The following ATM variants were observed in gnomAD, a reference collection of about 807,000 sequenced individuals.
ATM encodes ATM serine/threonine kinase.
ATM carries 308 observed loss-of-function variants against 387.0 expected under a neutral mutation model. The observed-to-expected ratio is 0.80, with a 90% CI of 0.73 to 0.87. The LOEUF (loss-of-function observed/expected upper bound fraction) is 0.87. Among genes scored for constraint, ATM ranks in the 40% least tolerant of loss-of-function variants. The pLI, the probability that ATM is intolerant of heterozygous loss-of-function variation, is 0.00. For missense variants in ATM, 3,312 were observed against 3,560.9 expected, an observed-to-expected ratio of 0.93 and a Z score of 1.78; for synonymous variants, 1,156 against 1,187.3, an observed-to-expected ratio of 0.97 and a Z score of 0.54.
intron 17 of ATM, 41 bp downstream of exon 17, chr11:108,267,383 TA>T (rs759196936): frequency 6.3e-7 from 1 of 1,592,922 alleles, no homozygotes; most frequent in Non-Finnish European, 8.6e-7. Flanking sequence ...TTTACTTCTT[TA>T]TATTGATTTG....
chr11:108,348,115 A>C (rs887908798), intron 59 of ATM, among the ~76,000 whole-genome samples: 7 of 152,142 alleles, frequency 4.6e-5, no homozygotes, highest in African/African-American at 1.4e-4. Context: ...TGTAAATAGT[A>C]AGAAAGTGAT....
intron 22 of ATM, among the ~76,000 whole-genome samples, chr11:108,274,082 C>G (rs1476004037): frequency 6.6e-6 from 1 of 152,140 alleles, no homozygotes; most frequent in Non-Finnish European, 1.5e-5. Flanking sequence ...GATTCGACTT[C>G]TTCCTGCTTT....
At chr11:108,270,379 A>G (rs1434172760) in intron 18 of ATM, among the ~76,000 whole-genome samples, 2 of 152,254 alleles carry the variant, frequency 1.3e-5, no homozygotes, top group East Asian at 3.8e-4. Context: ...ATCTTGCTCA[A>G]GCTCTTAACT....
intron 31 of ATM, among the ~76,000 whole-genome samples, chr11:108,294,522 C>T (rs1006223264): frequency 5.9e-5 from 9 of 152,160 alleles, no homozygotes; most frequent in African/African-American, 1.9e-4. Context: ...GGCAGATCAT[C>T]TGAGGTCAGG....
intron 22 of ATM, among the ~76,000 whole-genome samples, chr11:108,276,102 T>A (rs1007782752): frequency 5.3e-5 from 8 of 152,232 alleles, no homozygotes; most frequent in African/African-American, 1.9e-4. Context: ...CTTTATTTCA[T>A]TAAGTTGATC....
chr11:108,361,067 T>G (rs2090684108), intron 61 of ATM, among the ~76,000 whole-genome samples: 1 of 129,160 alleles, frequency 7.7e-6, no homozygotes, highest in African/African-American at 3.0e-5. Flanking sequence ...CAGCCCAAAA[T>G]CTCCTTAAGC....
chr11:108,335,823 T>G, intron 55 of ATM, 22 bp from the exon 56 acceptor site: 1 of 1,584,326 alleles, frequency 6.3e-7, no homozygotes, highest in African/African-American at 1.3e-5. Context: ...TACTTGTTTA[T>G]TCATGCTTAA....
In ATM at chr11:108,354,868, T is replaced by C. The variant is rs878853551; in HGVS notation, c.8844T>C (p.Ile2948=). Residue 2948 remains isoleucine, a synonymous_variant, in exon 61 of 63, where the codon ATT becomes ATC. Transcript: ENST00000675843. ...ACTCTCAGGAAACTCTGTTAACCAT[T>C]GTAGAGGTAAAGTATTTTATAAGGA... ...MRNSQETLLT[I]VEVLLYDPLF... 1.9e-6 allele frequency: 3 copies of C among 1,612,320 alleles called. No homozygotes were observed. The African/African-American group carries it at 4.0e-5, about 22-fold the overall frequency.
Position 108,265,101 on chromosome 11 carries a change from A to G in ATM, c.2467-2070A>G, listed in dbSNP as rs199757981. ...CAATGGCATCCCCATCAAGCTACCA[A>G]TGACTTTCTTCACAGAATTGGAAAA... On this transcript the variant is annotated intron_variant, in intron 16 of 62. Coordinates refer to ENST00000675843, the MANE Select transcript of ATM (RefSeq NM_000051.4). 4.0e-3 allele frequency among the ~76,000 whole-genome samples: 595 copies of G among 150,492 alleles called. 6 individuals are homozygous for G. The South Asian group carries it at 0.045, about 11-fold the overall frequency.
intron 61 of ATM, among the ~76,000 whole-genome samples, chr11:108,360,445 A>T (rs1235667836): frequency 5.7e-4 from 76 of 133,160 alleles, no homozygotes; most frequent in African/African-American, 2.1e-3. Flanking sequence ...AACTCATTTT[A>T]TGAGGCCAGC....
At chr11:108,279,029 C>G (rs554736219) in intron 22 of ATM, among the ~76,000 whole-genome samples, 1 of 152,104 alleles carries the variant, frequency 6.6e-6, no homozygotes, top group South Asian at 2.1e-4. Flanking sequence ...GTGGGTGTTA[C>G]GCAAAAGGTG....
At position 108,247,688 on chromosome 11, in the gene ATM, C is replaced by T. The variant is rs1230221099; in HGVS notation, c.1065+561C>T. Among the ~76,000 whole-genome samples the T allele has an allele frequency of 3.9e-5, 6 of 152,256 alleles. No homozygotes were observed. In the South Asian group the frequency reaches 6.2e-4, roughly 16 times the overall value. ...TCCGCTCACTGCAACCTCCCTTTCCCGGGTTCAAGTGATTCTCCTGCATCA... is the reference window on the plus strand; with the variant it reads ...TCCGCTCACTGCAACCTCCCTTTCCTGGGTTCAAGTGATTCTCCTGCATCA... On this transcript the variant is annotated intron_variant, in intron 8 of 62. Coordinates refer to ENST00000675843, the MANE Select transcript of ATM (RefSeq NM_000051.4).
rs925428128 is a variant in ATM, at chr11:108,301,796, T to A, written c.5319+7T>A. On this transcript the variant is annotated splice_region_variant and intron_variant, in intron 35 of 62. Coordinates refer to ENST00000675843, the MANE Select transcript of ATM (RefSeq NM_000051.4). ...TAGAACATCAAGAAAAAAGGTCTCT[T>A]AAGTAATAAATGTTTATTGAATACC... 9 of 1,612,986 alleles carry A rather than the reference T, an allele frequency of 5.6e-6. No homozygotes were observed. The highest frequency in any genetic ancestry group is 7.6e-6 in the Non-Finnish European group (9 of 1,179,382).
At chr11:108,272,418 T>C in intron 20 of ATM, 114 bp from the exon 21 acceptor site, 1 of 896,536 alleles carries the variant, frequency 1.1e-6, no homozygotes, top group Non-Finnish European at 1.8e-6. Context: ...TAATGACAAA[T>C]AAGTTTAGCA....
intron 5 of ATM, 107 bp from the exon 6 acceptor site, chr11:108,243,846 A>G: frequency 9.2e-7 from 1 of 1,086,776 alleles, no homozygotes; most frequent in Non-Finnish European, 1.3e-6. Flanking sequence ...TGCAGTTTTA[A>G]AATCCTTTTT....
chr11:108,350,567 T>A (rs1333810474), intron 59 of ATM, among the ~76,000 whole-genome samples: 1 of 152,190 alleles, frequency 6.6e-6, no homozygotes, highest in African/African-American at 2.4e-5. Context: ...ATTATATGGT[T>A]TTCCCCAGAA....
At chr11:108,227,552 A>C in intron 1 of ATM, 43 bp from the exon 2 acceptor site, 1 of 1,197,114 alleles carries the variant, frequency 8.4e-7, no homozygotes. Flanking sequence ...ATATATGCAT[A>C]TATACATATA....
chr11:108,344,812 T>C (rs1477934039), intron 57 of ATM, among the ~76,000 whole-genome samples: 1 of 151,828 alleles, frequency 6.6e-6, no homozygotes, highest in African/African-American at 2.4e-5. Flanking sequence ...AAGACCAGCC[T>C]GGGAAACATA....
chr11:108,274,154 G>T (rs2081788089), intron 22 of ATM, among the ~76,000 whole-genome samples: 2 of 152,118 alleles, frequency 1.3e-5, no homozygotes, highest in Admixed American at 1.3e-4. Flanking sequence ...TAGTTTATTT[G>T]CATAGAGGTA....
Sources: gnomAD v4.1 joint callset for allele counts (sites outside exome capture counted in the v4.1 genomes callset) on GRCh38, gnomAD v4.1.1 for gene constraint, MANE v1.5 for transcripts, NCBI Gene and HGNC (gene_info 2026-07-23, HGNC 2026-07-21) for gene names.